Variants in SYT9 observed in about 807,000 individuals in gnomAD.
SYT9 encodes the protein synaptotagmin 9, also known as synaptotagmin-9.
Under a neutral mutation model 48.4 loss-of-function variants are expected in SYT9, and 22 were observed. That is an observed-to-expected ratio of 0.45 (90% CI 0.32 to 0.65). SYT9 has a LOEUF of 0.65. Ranked by LOEUF, SYT9 falls within the 30% of genes least tolerant of loss-of-function variation. SYT9 has a pLI of 0.03. For synonymous variants in SYT9, 265 were observed against 245.0 expected (o/e 1.08, Z -0.76); for missense variants, 577 against 622.0 (o/e 0.93, Z 0.77).
In SYT9 at chr11:7,418,087, T is replaced by G. The variant is rs1847285276; in HGVS notation, c.1296T>G (p.Ile432Met). The G allele has an allele frequency of 1.2e-6, 2 of 1,613,976 alleles. No homozygotes were observed. The highest frequency in any genetic ancestry group is 1.7e-5 in the Admixed American group (1 of 59,988). Residue 432 changes from isoleucine (I) to methionine (M), a missense_variant, in exon 5 of 7, where the codon ATT (isoleucine) becomes ATG (methionine). Coordinates refer to ENST00000318881, the MANE Select transcript of SYT9 (RefSeq NM_175733.4). ...AIVFDVPPEN[I>M]DQIHLSIAVM... is the part of the protein sequence containing the mutation. ...TCTTTGATGTCCCTCCCGAGAACAT[T>G]GACCAAATCCACTTGTCCATAGCAG... is the stretch of plus-strand genomic sequence containing the variant.
chr11:7,296,710 T>C (rs1321508816), intron 1 of SYT9, among the ~76,000 whole-genome samples: 1 of 152,090 alleles, frequency 6.6e-6, no homozygotes, highest in Non-Finnish European at 1.5e-5. Flanking sequence ...ATACAGAAAA[T>C]AAGATATTAA....
intron 5 of SYT9, 113 bp downstream of exon 5, chr11:7,418,241 G>T (rs1847289002): frequency 2.5e-6 from 3 of 1,186,870 alleles, no homozygotes; most frequent in Non-Finnish European, 3.6e-6. Flanking sequence ...TGCAGGAAAT[G>T]AGTCAACTAG....
chr11:7,377,841 T>G (rs1850483582), intron 3 of SYT9, among the ~76,000 whole-genome samples: 1 of 152,176 alleles, frequency 6.6e-6, no homozygotes, highest in Non-Finnish European at 1.5e-5. Flanking sequence ...GTAGTCAGAC[T>G]GCCTGGTTGG....
At chr11:7,345,610 A>T (rs889279650) in intron 3 of SYT9, among the ~76,000 whole-genome samples, 2 of 152,230 alleles carry the variant, frequency 1.3e-5, no homozygotes, top group Admixed American at 6.5e-5. Flanking sequence ...GGTATAAGTA[A>T]GATCATGTGT....
intron 6 of SYT9, chr11:7,439,330 C>A (rs910445976): frequency 6.6e-6 from 1 of 152,246 alleles, no homozygotes. Context: ...TGTGCTCCAG[C>A]AGACAAAGAA....
intron 3 of SYT9, among the ~76,000 whole-genome samples, chr11:7,362,099 C>CT (rs367765171): frequency 2.3e-4 from 35 of 150,970 alleles, no homozygotes; most frequent in African/African-American, 7.5e-4. Flanking sequence ...CTTTTCTTCT[C>CT]TTTTTTTCTT....
intron 1 of SYT9, among the ~76,000 whole-genome samples, chr11:7,259,908 G>A (rs367954420): frequency 2.4e-4 from 36 of 152,046 alleles, no homozygotes; most frequent in African/African-American, 6.5e-4. Context: ...ATAGGGATTC[G>A]TTGTAACACT....
chr11:7,430,910 C>A (rs1847557161), intron 6 of SYT9, among the ~76,000 whole-genome samples: 1 of 152,110 alleles, frequency 6.6e-6, no homozygotes, highest in South Asian at 2.1e-4. Context: ...ATTGCCCAGT[C>A]CCAGGTATTT....
intron 3 of SYT9, among the ~76,000 whole-genome samples, chr11:7,324,247 A>G (rs968198686): frequency 2.6e-5 from 4 of 151,592 alleles, no homozygotes; most frequent in African/African-American, 9.7e-5. Context: ...TTTCTGCCTT[A>G]TTTCTGGTTA....
At chr11:7,371,474 T>C (rs983217285) in intron 3 of SYT9, among the ~76,000 whole-genome samples, 7 of 150,714 alleles carry the variant, frequency 4.6e-5, no homozygotes, top group Non-Finnish European at 7.4e-5. Context: ...GATTTTTTTA[T>C]TTCTTAAATC....
At chr11:7,298,656 A>C (rs1168458458) in intron 1 of SYT9, among the ~76,000 whole-genome samples, 1 of 85,346 alleles carries the variant, frequency 1.2e-5, no homozygotes, top group Admixed American at 1.2e-4. Context: ...ATACAGGTCC[A>C]CTTTTTTTTT....
intron 1 of SYT9, among the ~76,000 whole-genome samples, chr11:7,242,001 A>G (rs996727998): frequency 1.3e-5 from 2 of 152,236 alleles, no homozygotes; most frequent in Non-Finnish European, 2.9e-5. Flanking sequence ...TTCCTTCTAT[A>G]AAGTCCAGAT....
chr11:7,452,642 A>G (rs1294527298), intron 6 of SYT9, among the ~76,000 whole-genome samples: 6 of 152,042 alleles, frequency 3.9e-5, no homozygotes, highest in Non-Finnish European at 5.9e-5. Context: ...TACTCCTTTC[A>G]GAGAGACTGG....
intron 3 of SYT9, among the ~76,000 whole-genome samples, chr11:7,383,766 C>T (rs1405266397): frequency 6.6e-6 from 1 of 152,114 alleles, no homozygotes; most frequent in Non-Finnish European, 1.5e-5. Context: ...TGAGAAATTA[C>T]ATAGTTTATT....
At position 7,418,247 on chromosome 11, in the gene SYT9, A is replaced by G. The variant is rs189441619; in HGVS notation, c.1337+119A>G. On this transcript the variant is annotated intron_variant, in intron 5 of 6. Transcript: ENST00000318881. ...GTCCCAGGCTGCAGGAAATGAGTCA[A>G]CTAGCAGTGCATGGGAAGCACATTG... The G allele has an allele frequency of 1.4e-4, 153 of 1,099,920 alleles. No homozygotes were observed. The African/African-American group carries it at 2.1e-3, about 15-fold the overall frequency. The allele number at this position is 1,099,920 out of a possible 1,614,324, so 68.1% of individuals were successfully genotyped here.
At chr11:7,371,085 G>A (rs1168670544) in intron 3 of SYT9, among the ~76,000 whole-genome samples, 2 of 152,118 alleles carry the variant, frequency 1.3e-5, no homozygotes, top group Non-Finnish European at 1.5e-5. Context: ...TCTGATAGCA[G>A]TAGGCTGATA....
chr11:7,421,766 A>G (rs1266314515), intron 6 of SYT9, among the ~76,000 whole-genome samples: 1 of 152,266 alleles, frequency 6.6e-6, no homozygotes, highest in African/African-American at 2.4e-5. Context: ...GATATGAATA[A>G]GAAACAGTCC....
At chr11:7,295,186 A>T (rs182433759) in intron 1 of SYT9, among the ~76,000 whole-genome samples, 10 of 152,292 alleles carry the variant, frequency 6.6e-5, no homozygotes, top group African/African-American at 2.2e-4. Flanking sequence ...TCTGTCTTTA[A>T]GTCATTCTGT....
intron 3 of SYT9, among the ~76,000 whole-genome samples, chr11:7,315,901 A>C (rs1480886764): frequency 6.6e-6 from 1 of 152,212 alleles, no homozygotes; most frequent in African/African-American, 2.4e-5. Flanking sequence ...TACAGGCTTC[A>C]GATTTCTCAG....
Sources: gnomAD v4.1 joint callset for allele counts (sites outside exome capture counted in the v4.1 genomes callset) on GRCh38, gnomAD v4.1.1 for gene constraint, MANE v1.5 for transcripts, NCBI Gene and HGNC (gene_info 2026-07-23, HGNC 2026-07-21) for gene names.